Variants in VSNL1 observed in about 807,000 individuals in gnomAD.
VSNL1 encodes visinin like 1, also known as visinin-like protein 1.
In VSNL1, 6 loss-of-function variants were observed where a neutral mutation model predicts 20.4. The ratio of observed to expected loss-of-function variants is 0.29; its 90% CI spans 0.16 to 0.58. The LOEUF (loss-of-function observed/expected upper bound fraction) is 0.58. VSNL1 is among the 20% of genes least tolerant of loss of function. VSNL1 has a pLI of 0.90. For synonymous variants in VSNL1, 93 were observed against 86.4 expected, an observed-to-expected ratio of 1.08 and a Z score of -0.42; for missense variants, 100 against 234.5, an observed-to-expected ratio of 0.43 and a Z score of 3.75.
In VSNL1 at chr2:17,647,351, G is replaced by C. The variant is rs942454847; in HGVS notation, c.163-2059G>C. 2.6e-5 allele frequency among the ~76,000 whole-genome samples: 4 copies of C among 152,078 alleles called. No individual in the cohort carries two copies. The South Asian group carries it at 8.3e-4, about 32-fold the overall frequency. On this transcript the variant is annotated intron_variant, in intron 2 of 3. Transcript: ENST00000295156. ...AATGCTGGCGGGTAAACAGCACTAA[G>C]GGGACTTGGGAACCTGTCCAGGGGC... is the stretch of plus-strand genomic sequence containing the variant.
chr2:17,597,778 A>G (rs1664742068), intron 2 of VSNL1, among the ~76,000 whole-genome samples: 1 of 152,142 alleles, frequency 6.6e-6, no homozygotes, highest in Non-Finnish European at 1.5e-5. Context: ...TGTGGGACAG[A>G]CAGTTTATTG....
At chr2:17,577,180 A>G in intron 1 of VSNL1, among the ~76,000 whole-genome samples, 1 of 152,244 alleles carries the variant, frequency 6.6e-6, no homozygotes, top group East Asian at 1.9e-4. Flanking sequence ...CCACCATCAT[A>G]TATATAGTCC....
At chr2:17,619,104 C>T (rs906224251) in intron 2 of VSNL1, among the ~76,000 whole-genome samples, 1 of 152,178 alleles carries the variant, frequency 6.6e-6, no homozygotes, top group Non-Finnish European at 1.5e-5. Context: ...TTCACAAGCT[C>T]CTCACAAGGT....
intron 1 of VSNL1, among the ~76,000 whole-genome samples, chr2:17,551,980 C>T (rs371415908): frequency 2.0e-5 from 3 of 149,560 alleles, no homozygotes; most frequent in East Asian, 2.0e-4. Context: ...GGGTGGATCA[C>T]GAGGTCAGGA....
chr2:17,550,691 C>A (rs947370977), intron 1 of VSNL1, among the ~76,000 whole-genome samples: 2 of 152,124 alleles, frequency 1.3e-5, no homozygotes, highest in Non-Finnish European at 2.9e-5. Flanking sequence ...ACTAAAGAGA[C>A]CCACATATGC....
chr2:17,552,617 A>G (rs1663571389), intron 1 of VSNL1, among the ~76,000 whole-genome samples: 1 of 152,212 alleles, frequency 6.6e-6, no homozygotes. Context: ...GAATTAAGAC[A>G]TATCATTTTG....
chr2:17,596,104 G>A (rs565049347), intron 2 of VSNL1, among the ~76,000 whole-genome samples: 25 of 152,254 alleles, frequency 1.6e-4, no homozygotes, highest in African/African-American at 5.5e-4. Context: ...CTTTGTTATG[G>A]CAGCCTGAGC....
intron 2 of VSNL1, among the ~76,000 whole-genome samples, chr2:17,647,725 T>C (rs1666028591): frequency 2.0e-5 from 3 of 152,160 alleles, no homozygotes; most frequent in African/African-American, 7.2e-5. Context: ...AGTAATACTT[T>C]GCCCTCTCCT....
chr2:17,613,776 TA>T (rs1397105788), intron 2 of VSNL1, among the ~76,000 whole-genome samples: 1 of 152,200 alleles, frequency 6.6e-6, no homozygotes, highest in African/African-American at 2.4e-5. Flanking sequence ...CTGTTGTCCA[TA>T]AGCAAATGAC....
chr2:17,592,559 C>T (rs1334663042), intron 2 of VSNL1, among the ~76,000 whole-genome samples: 5 of 147,892 alleles, frequency 3.4e-5, no homozygotes, highest in Non-Finnish European at 7.4e-5. Context: ...CTAATTACAG[C>T]ATTATTTGGC....
intron 2 of VSNL1, among the ~76,000 whole-genome samples, chr2:17,614,998 A>G (rs1281724680): frequency 1.3e-5 from 2 of 152,200 alleles, no homozygotes; most frequent in Non-Finnish European, 2.9e-5. Context: ...AGTTTTATGT[A>G]ATACAGTTTT....
At chr2:17,615,837 C>T (rs1333658158) in intron 2 of VSNL1, among the ~76,000 whole-genome samples, 1 of 152,220 alleles carries the variant, frequency 6.6e-6, no homozygotes, top group Non-Finnish European at 1.5e-5. Flanking sequence ...AAAGTGCCTT[C>T]TACCCACCCA....
intron 2 of VSNL1, among the ~76,000 whole-genome samples, chr2:17,599,676 C>T (rs1664784208): frequency 6.6e-6 from 1 of 152,138 alleles, no homozygotes; most frequent in Non-Finnish European, 1.5e-5. Context: ...GTCAGTCTGA[C>T]CAGTGGCTTA....
At chr2:17,632,125 G>A (rs1161939309) in intron 2 of VSNL1, among the ~76,000 whole-genome samples, 1 of 151,994 alleles carries the variant, frequency 6.6e-6, no homozygotes, top group Non-Finnish European at 1.5e-5. Context: ...CACCTTAACT[G>A]TTCCACCCAC....
intron 1 of VSNL1, among the ~76,000 whole-genome samples, chr2:17,581,763 C>T (rs1210214548): frequency 1.3e-5 from 2 of 151,792 alleles, no homozygotes; most frequent in African/African-American, 2.4e-5. Flanking sequence ...TCGTTTCATA[C>T]GTTCTCTCTT....
chr2:17,648,938 G>A (rs918900018), intron 2 of VSNL1, among the ~76,000 whole-genome samples: 3 of 152,220 alleles, frequency 2.0e-5, no homozygotes, highest in East Asian at 3.8e-4. Flanking sequence ...GGCCCAGGAC[G>A]AGGGCTGGTG....
chr2:17,556,428 G>A (rs1663680305), intron 1 of VSNL1, among the ~76,000 whole-genome samples: 1 of 152,164 alleles, frequency 6.6e-6, no homozygotes, highest in Admixed American at 6.5e-5. Flanking sequence ...ATGATAGAAG[G>A]AAAATTGTGG....
intron 2 of VSNL1, among the ~76,000 whole-genome samples, chr2:17,622,601 A>AAAGAAAGAAAGAAAGAAAGAAAGAAAGG (rs1349807130): frequency 3.2e-5 from 4 of 126,612 alleles, no homozygotes; most frequent in Admixed American, 7.8e-5. Flanking sequence ...AGAAAGAAAG[A>AAAGAAAGAAAGAAAGAAAGAAAGAAAGG]AAAGAAAGAA....
chr2:17,579,779 G>A (rs1664307232), intron 1 of VSNL1, among the ~76,000 whole-genome samples: 1 of 152,108 alleles, frequency 6.6e-6, no homozygotes, highest in Non-Finnish European at 1.5e-5. Context: ...TCCTGGAAAA[G>A]GACCTCCTGT....
Sources: gnomAD v4.1 joint callset for allele counts (sites outside exome capture counted in the v4.1 genomes callset) on GRCh38, gnomAD v4.1.1 for gene constraint, MANE v1.5 for transcripts, NCBI Gene and HGNC (gene_info 2026-07-23, HGNC 2026-07-21) for gene names.